Variants in VAV3 observed in about 807,000 individuals in gnomAD.
VAV3 encodes the protein guanine nucleotide exchange factor VAV3.
VAV3 carries 94 observed loss-of-function variants against 131.2 expected under a neutral mutation model. The ratio of observed to expected loss-of-function variants is 0.72; its 90% CI spans 0.61 to 0.85. VAV3 has a LOEUF of 0.85. Ranked by LOEUF, VAV3 falls within the 40% of genes least tolerant of loss-of-function variation. VAV3 has a pLI of 0.00. For synonymous variants in VAV3, 349 were observed against 342.0 expected (o/e 1.02, Z -0.22); for missense variants, 939 against 1,002.7 (o/e 0.94, Z 0.86).
At chr1:107,614,777 C>T (rs991699391) in intron 21 of VAV3, among the ~76,000 whole-genome samples, 1 of 152,036 alleles carries the variant, frequency 6.6e-6, no homozygotes, top group East Asian at 1.9e-4. Context: ...TATTAAATGC[C>T]TACTTTGTGC....
At chr1:107,803,970 A>G (rs536717059) in intron 2 of VAV3, among the ~76,000 whole-genome samples, 2 of 152,046 alleles carry the variant, frequency 1.3e-5, no homozygotes, top group African/African-American at 4.8e-5. Context: ...TGCTGAATTG[A>G]CCCCTTATAT....
At chr1:107,669,723 C>T (rs1055385410) in intron 19 of VAV3, among the ~76,000 whole-genome samples, 4 of 151,486 alleles carry the variant, frequency 2.6e-5, no homozygotes, top group Non-Finnish European at 4.4e-5. Context: ...TTCATCTATT[C>T]GTGAGGTGCT....
At chr1:107,839,636 T>A (rs540763508) in intron 2 of VAV3, among the ~76,000 whole-genome samples, 2 of 152,152 alleles carry the variant, frequency 1.3e-5, no homozygotes, top group African/African-American at 4.8e-5. Context: ...AAGAACAACT[T>A]AAGCTTAGAG....
intron 15 of VAV3, 104 bp downstream of exon 15, chr1:107,748,864 A>G: frequency 1.1e-6 from 1 of 885,870 alleles, no homozygotes; most frequent in Non-Finnish European, 1.7e-6. Context: ...CGCTGTACAC[A>G]TTATACATGC....
intron 1 of VAV3, among the ~76,000 whole-genome samples, chr1:107,891,358 C>G (rs1043021450): frequency 2.0e-5 from 3 of 151,740 alleles, no homozygotes; most frequent in Non-Finnish European, 4.4e-5. Context: ...TCTATACTAA[C>G]AGAATTCAGG....
intron 2 of VAV3, among the ~76,000 whole-genome samples, chr1:107,831,532 C>T (rs114250070): frequency 6.6e-6 from 1 of 152,112 alleles, no homozygotes; most frequent in Non-Finnish European, 1.5e-5. Flanking sequence ...TCATATTTAA[C>T]CTTAATAGTT....
At chr1:107,826,279 G>A (rs187405774) in intron 2 of VAV3, among the ~76,000 whole-genome samples, 2,261 of 130,186 alleles carry the variant, frequency 0.017, 27 homozygotes, top group African/African-American at 0.028. Flanking sequence ...GCTCCATTAC[G>A]CTACTTGCTA....
At chr1:107,599,241 T>C (rs1396188319) in intron 24 of VAV3, among the ~76,000 whole-genome samples, 1 of 152,348 alleles carries the variant, frequency 6.6e-6, no homozygotes, top group East Asian at 1.9e-4. Flanking sequence ...TAAATCTTCC[T>C]ACATGTTTCT....
chr1:107,671,743 T>C (rs1232083172), intron 19 of VAV3, among the ~76,000 whole-genome samples: 1 of 150,658 alleles, frequency 6.6e-6, no homozygotes, highest in Non-Finnish European at 1.5e-5. Flanking sequence ...CTGAAAATCC[T>C]TGGGGAAGTT....
chr1:107,781,485 AAACC>A (rs1249932541), intron 2 of VAV3, among the ~76,000 whole-genome samples: 1 of 152,226 alleles, frequency 6.6e-6, no homozygotes, highest in Admixed American at 6.5e-5. Context: ...TACATATTTC[AAACC>A]AACATGTTGC....
At chr1:107,674,339 T>G (rs1403707828) in intron 19 of VAV3, among the ~76,000 whole-genome samples, 1 of 152,202 alleles carries the variant, frequency 6.6e-6, no homozygotes, top group Admixed American at 6.5e-5. Context: ...CTGGTAGGGA[T>G]TCTTCTGGTG....
intron 2 of VAV3, among the ~76,000 whole-genome samples, chr1:107,798,006 T>C (rs951551655): frequency 6.6e-6 from 1 of 152,154 alleles, no homozygotes; most frequent in African/African-American, 2.4e-5. Flanking sequence ...ATGAAGAGAT[T>C]AACACAAGAC....
intron 26 of VAV3, 93 bp from the exon 27 acceptor site, chr1:107,573,465 C>A: frequency 6.8e-7 from 1 of 1,474,992 alleles, no homozygotes; most frequent in Non-Finnish European, 9.3e-7. Context: ...TCATAACACC[C>A]CAATTAAACT....
chr1:107,611,596 C>CAAAAAAAAAAAAA (rs66982121), intron 21 of VAV3, among the ~76,000 whole-genome samples: 1 of 119,968 alleles, frequency 8.3e-6, no homozygotes. Context: ...CATAGAGAAC[C>CAAAAAAAAAAAAA]AAAAAAAAAA....
chr1:107,950,409 T>C (rs1674477052), intron 1 of VAV3, among the ~76,000 whole-genome samples: 1 of 152,092 alleles, frequency 6.6e-6, no homozygotes, highest in South Asian at 2.1e-4. Context: ...TGGGTGGTAA[T>C]GATGAGGACT....
At chr1:107,954,531 CA>C (rs1008147680) in intron 1 of VAV3, among the ~76,000 whole-genome samples, 3 of 109,080 alleles carry the variant, frequency 2.8e-5, no homozygotes, top group African/African-American at 9.3e-5. Flanking sequence ...TATCCTGAGG[CA>C]AATTTTTTTT....
At chr1:107,684,194 A>C (rs553796568) in intron 18 of VAV3, among the ~76,000 whole-genome samples, 1 of 152,374 alleles carries the variant, frequency 6.6e-6, no homozygotes, top group Non-Finnish European at 1.5e-5. Flanking sequence ...AAGAGATTTT[A>C]AATCTATGAA....
At chr1:107,919,128 T>C (rs17020373) in intron 1 of VAV3, among the ~76,000 whole-genome samples, 4,584 of 152,338 alleles carry the variant, frequency 0.03, 233 homozygotes, top group African/African-American at 0.1. Flanking sequence ...ACTTGAAATA[T>C]ACTCAATAGT....
chr1:107,647,524 C>T (rs1655824325), intron 19 of VAV3, among the ~76,000 whole-genome samples: 1 of 151,882 alleles, frequency 6.6e-6, no homozygotes, highest in Admixed American at 6.6e-5. Context: ...TCTGAGATAA[C>T]AATACAACTG....
Sources: allele counts gnomAD v4.1 joint callset (sites outside exome capture counted in the v4.1 genomes callset), GRCh38; gene constraint gnomAD v4.1.1; transcripts MANE v1.5; gene names NCBI Gene and HGNC (gene_info 2026-07-23, HGNC 2026-07-21).